ST7: variants seen among roughly 807,000 people sequenced by gnomAD.
ST7 encodes suppression of tumorigenicity 7, also known as suppressor of tumorigenicity 7 protein.
Under a neutral mutation model 78.7 loss-of-function variants are expected in ST7, and 28 were observed. The observed-to-expected ratio is 0.36, with a 90% CI of 0.26 to 0.49. ST7 has a LOEUF of 0.49. ST7 is among the 20% of genes least tolerant of loss of function. The pLI, the probability that ST7 is intolerant of heterozygous loss-of-function variation, is 0.99. For missense variants in ST7, 418 were observed against 696.0 expected (o/e 0.60, Z 4.49); for synonymous variants, 247 against 249.6 (o/e 0.99, Z 0.10).
chr7:117,078,591 G>A (rs988877804), intron 1 of ST7, among the ~76,000 whole-genome samples: 5 of 152,118 alleles, frequency 3.3e-5, no homozygotes, highest in South Asian at 4.1e-4. Context: ...AATTTATGTC[G>A]AGCTGGACAG....
chr7:117,054,888 G>A (rs1797985347), intron 1 of ST7, among the ~76,000 whole-genome samples: 1 of 152,136 alleles, frequency 6.6e-6, no homozygotes, highest in South Asian at 2.1e-4. Flanking sequence ...CTACATACAA[G>A]GAAAAGCAGA....
chr7:116,960,357 G>A (rs888678296), intron 1 of ST7, among the ~76,000 whole-genome samples: 6 of 151,876 alleles, frequency 4.0e-5, no homozygotes, highest in Non-Finnish European at 7.4e-5. Flanking sequence ...GTCCGGCTAA[G>A]TTTTGTATTT....
chr7:117,213,450 G>A (rs1263214792), intron 13 of ST7, among the ~76,000 whole-genome samples: 1 of 152,130 alleles, frequency 6.6e-6, no homozygotes, highest in East Asian at 1.9e-4. Context: ...TCTGGGAGTA[G>A]GGGTGGAGGT....
At chr7:117,185,006 G>A (rs1809121985) in intron 10 of ST7, among the ~76,000 whole-genome samples, 1 of 152,070 alleles carries the variant, frequency 6.6e-6, no homozygotes, top group South Asian at 2.1e-4. Context: ...TTTTTGTGGG[G>A]TGAGGTGGGA....
chr7:117,126,066 C>T (rs1053345523), intron 3 of ST7, among the ~76,000 whole-genome samples: 2 of 151,910 alleles, frequency 1.3e-5, no homozygotes, highest in African/African-American at 4.8e-5. Context: ...AGCCCCTTTA[C>T]AGAAAGGATC....
intron 2 of ST7, among the ~76,000 whole-genome samples, chr7:117,107,499 C>T (rs1324483567): frequency 6.6e-6 from 1 of 151,242 alleles, no homozygotes; most frequent in Non-Finnish European, 1.5e-5. Context: ...TTTTGATTTG[C>T]ATTTCCCTGA....
chr7:117,120,844 G>A (rs1030913158), intron 3 of ST7, among the ~76,000 whole-genome samples: 5 of 151,984 alleles, frequency 3.3e-5, no homozygotes, highest in African/African-American at 1.2e-4. Context: ...ACTAAGAATA[G>A]CATCAACATT....
intron 9 of ST7, 81 bp downstream of exon 9, chr7:117,138,613 A>G: frequency 3.0e-6 from 3 of 1,015,506 alleles, no homozygotes; most frequent in Non-Finnish European, 3.0e-6. Flanking sequence ...TGTACCAGTG[A>G]TGGTGTGGTG....
chr7:117,077,844 CTTTTTTTTTT>C (rs1186348708), intron 1 of ST7, among the ~76,000 whole-genome samples: 1 of 120,932 alleles, frequency 8.3e-6, no homozygotes, highest in African/African-American at 3.0e-5. Context: ...TGATTTCTTT[CTTTTTTTTTT>C]TTTTTTTTTG....
chr7:117,087,794 AG>A (rs1460080191), intron 1 of ST7, among the ~76,000 whole-genome samples: 1 of 152,188 alleles, frequency 6.6e-6, no homozygotes, highest in Non-Finnish European at 1.5e-5. Flanking sequence ...ACATTGGGAA[AG>A]CCACATCCTG....
chr7:117,052,612 G>C (rs887666825), intron 1 of ST7, among the ~76,000 whole-genome samples: 1 of 152,130 alleles, frequency 6.6e-6, no homozygotes, highest in Non-Finnish European at 1.5e-5. Flanking sequence ...AAAAAATCTA[G>C]GGCCAGGAGC....
intron 2 of ST7, among the ~76,000 whole-genome samples, chr7:117,106,156 G>A (rs925887957): frequency 1.3e-5 from 2 of 151,992 alleles, no homozygotes; most frequent in South Asian, 2.1e-4. Flanking sequence ...CTGCCACCGC[G>A]CCGGGCTAAT....
intron 9 of ST7, among the ~76,000 whole-genome samples, chr7:117,169,463 C>T (rs1807818604): frequency 6.6e-6 from 1 of 152,092 alleles, no homozygotes; most frequent in African/African-American, 2.4e-5. Flanking sequence ...AAGATAAAAA[C>T]TTTGCTCTGA....
At chr7:117,010,931 AG>A (rs1795359569) in intron 1 of ST7, among the ~76,000 whole-genome samples, 1 of 152,124 alleles carries the variant, frequency 6.6e-6, no homozygotes, top group Non-Finnish European at 1.5e-5. Flanking sequence ...GAAAGAGAGG[AG>A]AGCTATGTCT....
intron 1 of ST7, chr7:117,020,374 T>G: frequency 2.1e-6 from 1 of 479,476 alleles, no homozygotes; most frequent in Non-Finnish European, 3.6e-6. Context: ...GCTCTTCGGT[T>G]TTTGGTGCTG....
At chr7:117,176,697 G>T (rs532913733) in intron 10 of ST7, among the ~76,000 whole-genome samples, 2 of 152,266 alleles carry the variant, frequency 1.3e-5, no homozygotes, top group East Asian at 3.9e-4. Flanking sequence ...AAATAGGAAG[G>T]ATGTGAGATG....
At chr7:117,125,010 T>C (rs1584730302) in intron 3 of ST7, among the ~76,000 whole-genome samples, 3 of 152,128 alleles carry the variant, frequency 2.0e-5, no homozygotes, top group South Asian at 4.1e-4. Context: ...AAATGCTACA[T>C]GTCAAGGACC....
chr7:117,044,875 G>GTAT (rs2116319663), intron 1 of ST7, among the ~76,000 whole-genome samples: 1 of 152,256 alleles, frequency 6.6e-6, no homozygotes, highest in East Asian at 1.9e-4. Flanking sequence ...AGCATCTTCA[G>GTAT]CTGGATGTCT....
At chr7:117,191,059 A>T in intron 12 of ST7, 123 bp downstream of exon 12, 1 of 763,296 alleles carries the variant, frequency 1.3e-6, no homozygotes, top group South Asian at 1.7e-5. Context: ...AAATGTTGAG[A>T]CCCTGTATAA....
Sources: allele counts gnomAD v4.1 joint callset (sites outside exome capture counted in the v4.1 genomes callset), GRCh38; gene constraint gnomAD v4.1.1; transcripts MANE v1.5; gene names NCBI Gene and HGNC (gene_info 2026-07-23, HGNC 2026-07-21).